Variants in PAMR1 observed in about 807,000 individuals in gnomAD.
The protein encoded by PAMR1 is inactive serine protease PAMR1.
In PAMR1, 88 loss-of-function variants were observed where a neutral mutation model predicts 81.8. The ratio of observed to expected loss-of-function variants is 1.08; its 90% CI spans 0.91 to 1.28. PAMR1 has a LOEUF of 1.28. Among genes scored for constraint, PAMR1 ranks in the 50% most tolerant of loss-of-function variants. The pLI, the probability that PAMR1 is intolerant of heterozygous loss-of-function variation, is 0.00. For synonymous variants in PAMR1, 336 were observed against 345.3 expected, an observed-to-expected ratio of 0.97 and a Z score of 0.30; for missense variants, 935 against 919.7, an observed-to-expected ratio of 1.02 and a Z score of -0.21.
At chr11:35,480,068 T>C (rs1370288777) in intron 3 of PAMR1, among the ~76,000 whole-genome samples, 1 of 152,200 alleles carries the variant, frequency 6.6e-6, no homozygotes, top group African/African-American at 2.4e-5. Flanking sequence ...GCCTCCCCCA[T>C]GACGCAGTTC....
At chr11:35,519,156 T>C (rs1659634) in intron 1 of PAMR1, among the ~76,000 whole-genome samples, 61,781 of 152,034 alleles carry the variant, frequency 0.41, 13,548 homozygotes, top group East Asian at 0.69. Context: ...GGGCCACTTC[T>C]TTAAATAGCT....
intron 2 of PAMR1, 77 bp downstream of exon 2, chr11:35,494,019 T>C (rs1850675396): frequency 2.6e-6 from 3 of 1,137,238 alleles, no homozygotes; most frequent in African/African-American, 1.5e-5. Flanking sequence ...CCTGCTAGAA[T>C]TCAGGCGTTC....
At chr11:35,469,757 A>G (rs1013151795) in intron 5 of PAMR1, among the ~76,000 whole-genome samples, 20 of 152,222 alleles carry the variant, frequency 1.3e-4, no homozygotes, top group African/African-American at 4.8e-4. Context: ...ATGAATAAGG[A>G]AGTCTTAATG....
chr11:35,433,841 T>A (rs1019966198), intron 10 of PAMR1, among the ~76,000 whole-genome samples: 1 of 150,344 alleles, frequency 6.7e-6, no homozygotes, highest in African/African-American at 2.5e-5. Flanking sequence ...GATGGATGGA[T>A]GGATGAGGGG....
intron 1 of PAMR1, among the ~76,000 whole-genome samples, chr11:35,515,860 CAG>C (rs1851153793): frequency 6.6e-6 from 1 of 151,818 alleles, no homozygotes; most frequent in South Asian, 2.1e-4. Context: ...CTCTCTCTGA[CAG>C]AGTCACAGAT....
upstream of PAMR1, among the ~76,000 whole-genome samples, chr11:35,526,499 A>G (rs1330800802): frequency 2.6e-5 from 4 of 152,082 alleles, no homozygotes; most frequent in African/African-American, 4.8e-5. Context: ...TTTAAAATAA[A>G]CTCCTCCGTG....
chr11:35,508,099 C>T (rs982031976), intron 1 of PAMR1, among the ~76,000 whole-genome samples: 1 of 152,146 alleles, frequency 6.6e-6, no homozygotes, highest in African/African-American at 2.4e-5. Context: ...CTTTCTCTGG[C>T]TTGTCTCTTG....
chr11:35,517,877 A>G (rs1370751442), intron 1 of PAMR1, among the ~76,000 whole-genome samples: 3 of 152,232 alleles, frequency 2.0e-5, no homozygotes, highest in Non-Finnish European at 4.4e-5. Context: ...TAAATACATG[A>G]ATATGGACAT....
intron 6 of PAMR1, among the ~76,000 whole-genome samples, chr11:35,466,726 CAAAAAA>C (rs71044519): frequency 9.4e-5 from 6 of 63,948 alleles, no homozygotes; most frequent in African/African-American, 3.8e-4. Flanking sequence ...GGCTCTATCT[CAAAAAA>C]AAAAAAAAAA....
intron 1 of PAMR1, among the ~76,000 whole-genome samples, chr11:35,513,714 C>G (rs1302441223): frequency 6.6e-6 from 1 of 152,180 alleles, no homozygotes; most frequent in African/African-American, 2.4e-5. Flanking sequence ...AGCCCATGTT[C>G]TCATTTACAA....
intron 1 of PAMR1, among the ~76,000 whole-genome samples, chr11:35,501,769 C>T (rs1590381922): frequency 6.6e-6 from 1 of 152,262 alleles, no homozygotes; most frequent in South Asian, 2.1e-4. Flanking sequence ...GGATTTCATT[C>T]TTTCGTATAA....
At chr11:35,521,046 CCT>C (rs1455202518) in intron 1 of PAMR1, among the ~76,000 whole-genome samples, 1 of 152,204 alleles carries the variant, frequency 6.6e-6, no homozygotes, top group Non-Finnish European at 1.5e-5. Flanking sequence ...CTCTAGGTCA[CCT>C]CTGCTTCTGG....
chr11:35,436,334 G>A, intron 8 of PAMR1, 199 bp from the exon 9 acceptor site: 1 of 550,518 alleles, frequency 1.8e-6, no homozygotes, highest in Non-Finnish European at 3.3e-6. Context: ...CTCCAGGATG[G>A]AGTGTAGTGA....
chr11:35,465,108 T>C (rs1476478329), intron 6 of PAMR1, among the ~76,000 whole-genome samples: 1 of 152,230 alleles, frequency 6.6e-6, no homozygotes, highest in Non-Finnish European at 1.5e-5. Context: ...TTATGGCCTC[T>C]GGTTTTGAAT....
Position 35,474,750 on chromosome 11 carries a change from A to G in PAMR1, c.380-6T>C, listed in dbSNP as rs774684635. ...TCGCAGAACCTGGCCACATCCTAAG[A>G]AAAGAAGAAAAGATTGGGACATAAA... On this transcript the variant is annotated splice_region_variant and splice_polypyrimidine_tract_variant and intron_variant, in intron 3 of 10. Transcript: ENST00000619888. The G allele has an allele frequency of 6.3e-6, 10 of 1,584,032 alleles. No individual in the cohort carries two copies. Among genetic ancestry groups the G allele is most frequent in the Middle Eastern group, 1.7e-4 (1 of 5,998 alleles).
chr11:35,435,235 T>C (rs1367923068), intron 9 of PAMR1, among the ~76,000 whole-genome samples: 1 of 152,206 alleles, frequency 6.6e-6, no homozygotes. Flanking sequence ...AATCATATTG[T>C]TCTCCTTTCG....
chr11:35,495,549 C>A (rs1362936985), intron 1 of PAMR1, among the ~76,000 whole-genome samples: 2 of 152,052 alleles, frequency 1.3e-5, no homozygotes, highest in African/African-American at 4.8e-5. Flanking sequence ...AAATTTTGCA[C>A]AAAGATGACA....
chr11:35,432,437 A>G lies in PAMR1; in HGVS notation c.2082T>C (p.Asp694=), dbSNP rs749001317. The G allele has an allele frequency of 1.9e-6, 3 of 1,614,172 alleles. No homozygotes were observed. The highest frequency in any genetic ancestry group is 1.3e-5 in the African/African-American group (1 of 75,066). ...HLMGLVSWSY[D]KTCSHRLSTA... The stretch of plus-strand genomic sequence containing the variant: ...TGGAGAGCCTGTGGCTGCATGTTTT[A>G]TCATAGCTCCAGCTGACCAGTCCCA... Residue 694 remains aspartate (D), a synonymous_variant, in exon 11 of 11, where the codon GAT becomes GAC. Coordinates refer to ENST00000619888, the MANE Select transcript of PAMR1 (RefSeq NM_001001991.3).
Position 35,441,594 on chromosome 11 carries a change from A to G in PAMR1, c.920T>C (p.Ile307Thr). The stretch of plus-strand genomic sequence containing the variant: ...ACAAAAGAAAGACACCACGGTGCCA[A>G]TTTTAGCATGGCGTCCGTTGATAAG... ...PGLINGRHAK[I>T]GTVVSFFCNN... Residue 307 changes from isoleucine to threonine, a missense_variant, in exon 7 of 11, where the codon ATT becomes ACT. Transcript: ENST00000619888. The G allele has an allele frequency of 1.2e-6, 2 of 1,614,036 alleles. No homozygotes were observed. Among genetic ancestry groups the G allele is most frequent in the Non-Finnish European group, 1.7e-6 (2 of 1,179,924 alleles).
Sources: gnomAD v4.1 joint callset for allele counts (sites outside exome capture counted in the v4.1 genomes callset) on GRCh38, gnomAD v4.1.1 for gene constraint, MANE v1.5 for transcripts, NCBI Gene and HGNC (gene_info 2026-07-23, HGNC 2026-07-21) for gene names.